Variants in MCHR2 observed in about 807,000 individuals in gnomAD.
The protein encoded by MCHR2 is melanin-concentrating hormone receptor 2.
Under a neutral mutation model 24.8 loss-of-function variants are expected in MCHR2, and 15 were observed. The ratio of observed to expected loss-of-function variants is 0.60; its 90% CI spans 0.40 to 0.93. The LOEUF (loss-of-function observed/expected upper bound fraction) is 0.93. Among genes scored for constraint, MCHR2 ranks in the 40% least tolerant of loss-of-function variants. The pLI is 0.00. For missense variants in MCHR2, 386 were observed against 408.7 expected (o/e 0.94, Z 0.48); for synonymous variants, 151 against 147.6 (o/e 1.02, Z -0.17).
intron 4 of MCHR2, among the ~76,000 whole-genome samples, chr6:99,935,471 C>T (rs942783762): frequency 1.3e-5 from 2 of 151,938 alleles, no homozygotes; most frequent in African/African-American, 4.8e-5. Context: ...ATTTGTCTTT[C>T]TGTACTTGGC....
At chr6:99,925,576 A>G (rs36089544) in intron 5 of MCHR2, among the ~76,000 whole-genome samples, 25,307 of 150,516 alleles carry the variant, frequency 0.17, 2,274 homozygotes, top group African/African-American at 0.19. Context: ...ATGTTTTCTG[A>G]TTTGAGGTTG....
At chr6:99,970,339 T>C (rs1001736387) in intron 1 of MCHR2, among the ~76,000 whole-genome samples, 1 of 152,216 alleles carries the variant, frequency 6.6e-6, no homozygotes, top group African/African-American at 2.4e-5. Flanking sequence ...CATGTGTTTT[T>C]TGGCTGCATA....
chr6:99,929,462 T>C (rs1774452621), intron 5 of MCHR2, among the ~76,000 whole-genome samples: 1 of 152,190 alleles, frequency 6.6e-6, no homozygotes, highest in Admixed American at 6.5e-5. Context: ...GTTATTATTG[T>C]GTGGGAGTCT....
intron 4 of MCHR2, among the ~76,000 whole-genome samples, chr6:99,939,275 C>A (rs972796625): frequency 6.6e-6 from 1 of 152,042 alleles, no homozygotes; most frequent in African/African-American, 2.4e-5. Context: ...TTCTTACTAT[C>A]TTCCTTTGTG....
At position 99,919,375 on chromosome 6, in the gene MCHR2, A is replaced by G. The variant is rs1222413434; in HGVS notation, c.*1565T>C. On this transcript the variant is annotated 3_prime_UTR_variant, in exon 6 of 6. Coordinates refer to ENST00000281806, the MANE Select transcript of MCHR2 (RefSeq NM_001040179.2). ...TTGATTCAAATACAAGTTTATCCAA[A>G]CACAATTGAAATATAAAAATGGAGA... 6.6e-6 allele frequency among the ~76,000 whole-genome samples: 1 copy of G among 152,212 alleles called. No individual in the cohort carries two copies. The highest frequency in any genetic ancestry group is 1.5e-5 in the Non-Finnish European group (1 of 68,036).
At chr6:99,965,089 C>G (rs1342312200) in intron 1 of MCHR2, among the ~76,000 whole-genome samples, 1 of 152,116 alleles carries the variant, frequency 6.6e-6, no homozygotes, top group African/African-American at 2.4e-5. Context: ...GATGAGCCAA[C>G]AATGTTCTGG....
chr6:99,953,840 T>G (rs957835209), intron 2 of MCHR2, among the ~76,000 whole-genome samples: 5 of 152,190 alleles, frequency 3.3e-5, no homozygotes, highest in African/African-American at 1.2e-4. Context: ...CAATAAGGAA[T>G]GCTTGAATTT....
intron 1 of MCHR2, among the ~76,000 whole-genome samples, chr6:99,971,978 G>C (rs1449092702): frequency 1.3e-5 from 2 of 152,142 alleles, no homozygotes; most frequent in Non-Finnish European, 2.9e-5. Flanking sequence ...TTTTATTGAG[G>C]ATTTTTGCAT....
At chr6:99,922,334 C>A (rs1774256013) in intron 5 of MCHR2, among the ~76,000 whole-genome samples, 1 of 152,086 alleles carries the variant, frequency 6.6e-6, no homozygotes, top group African/African-American at 2.4e-5. Context: ...GTCTTGATCT[C>A]CTAACCTCGC....
chr6:99,934,837 T>C (rs1162268878), intron 4 of MCHR2, among the ~76,000 whole-genome samples: 4 of 152,068 alleles, frequency 2.6e-5, no homozygotes, highest in African/African-American at 4.8e-5. Context: ...TATTATATAG[T>C]AGGCACTGTT....
chr6:99,991,877 C>G (rs762620034), intron 1 of MCHR2, among the ~76,000 whole-genome samples: 1 of 151,144 alleles, frequency 6.6e-6, no homozygotes, highest in Non-Finnish European at 1.5e-5. Context: ...ACAGAGCAGG[C>G]TCTTGACAAA....
At chr6:99,946,696 A>G (rs1195153208) in intron 3 of MCHR2, among the ~76,000 whole-genome samples, 3 of 152,180 alleles carry the variant, frequency 2.0e-5, no homozygotes, top group African/African-American at 7.2e-5. Context: ...AATAACACAC[A>G]CACACACGTG....
At chr6:99,929,258 G>C (rs992788315) in intron 5 of MCHR2, among the ~76,000 whole-genome samples, 13 of 152,052 alleles carry the variant, frequency 8.5e-5, no homozygotes, top group South Asian at 4.2e-4. Context: ...TTACTTCCAA[G>C]TATGTGGTCA....
rs2114478521 is a variant in MCHR2, at chr6:99,920,783, C to T, written c.*157G>A. 1.4e-6 allele frequency: 1 copy of T among 705,118 alleles called. No individual in the cohort carries two copies. Among genetic ancestry groups the T allele is most frequent in the South Asian group, 1.9e-5 (1 of 52,736 alleles). 43.7% of individuals were successfully genotyped at this position (705,118 alleles called of 1,614,324 possible). On this transcript the variant is annotated 3_prime_UTR_variant, in exon 6 of 6. Coordinates refer to ENST00000281806, the MANE Select transcript of MCHR2 (RefSeq NM_001040179.2). ...ATCTTGCTAAAGTTAGCATATTAAGCTCATTGTATTTGCATGGTTACACTT... is the reference window on the plus strand; with the variant it reads ...ATCTTGCTAAAGTTAGCATATTAAGTTCATTGTATTTGCATGGTTACACTT...
intron 3 of MCHR2, among the ~76,000 whole-genome samples, chr6:99,943,837 T>C (rs1164153933): frequency 6.6e-6 from 1 of 152,144 alleles, no homozygotes; most frequent in Non-Finnish European, 1.5e-5. Flanking sequence ...TAAACGAAAC[T>C]CTGGAAAACT....
intron 1 of MCHR2, among the ~76,000 whole-genome samples, chr6:99,964,670 A>G (rs1222699832): frequency 2.0e-5 from 3 of 152,048 alleles, no homozygotes; most frequent in African/African-American, 2.4e-5. Flanking sequence ...CCCTTGACAC[A>G]TGGGGATTAT....
chr6:99,993,602 C>G (rs1582420229), intron 1 of MCHR2, among the ~76,000 whole-genome samples: 1 of 152,196 alleles, frequency 6.6e-6, no homozygotes, highest in African/African-American at 2.4e-5. Flanking sequence ...ACTAGCCCGG[C>G]GCGCTCCAGC....
rs548455143 is a variant in MCHR2, at chr6:99,919,685, A to C, written c.*1255T>G. ...TTTTTGTACCTTAGAACAAACATGT[A>C]TACTGTAACCAAAAGGGAATGTTTC... is the stretch of plus-strand genomic sequence containing the variant. On this transcript the variant is annotated 3_prime_UTR_variant, in exon 6 of 6. Coordinates refer to ENST00000281806, the MANE Select transcript of MCHR2 (RefSeq NM_001040179.2). Among the ~76,000 whole-genome samples the C allele has an allele frequency of 6.6e-6, 1 of 151,130 alleles. No homozygotes were observed. Among genetic ancestry groups the C allele is most frequent in the African/African-American group, 2.4e-5 (1 of 41,276 alleles).
intron 1 of MCHR2, among the ~76,000 whole-genome samples, chr6:99,969,560 T>C (rs182322470): frequency 1.2e-4 from 18 of 152,010 alleles, no homozygotes; most frequent in Admixed American, 1.2e-3. Context: ...CATTTTTTCT[T>C]TTTTTTCTTA....
Sources: gnomAD v4.1 joint callset for allele counts (sites outside exome capture counted in the v4.1 genomes callset) on GRCh38, gnomAD v4.1.1 for gene constraint, MANE v1.5 for transcripts, NCBI Gene and HGNC (gene_info 2026-07-23, HGNC 2026-07-21) for gene names.